Variants in MAEA observed in about 807,000 individuals in gnomAD.
The protein encoded by MAEA is E3 ubiquitin-protein transferase MAEA.
A neutral mutation model predicts 46.2 loss-of-function variants in MAEA; 22 were observed. The ratio of observed to expected loss-of-function variants is 0.48; its 90% confidence interval spans 0.34 to 0.68. The LOEUF (loss-of-function observed/expected upper bound fraction) is 0.68. MAEA is among the 30% of genes least tolerant of loss of function. MAEA has a pLI of 0.01. For synonymous variants in MAEA, 246 were observed against 222.6 expected (o/e 1.11, Z -0.94); for missense variants, 393 against 558.1 (o/e 0.70, Z 2.98).
intron 1 of MAEA, chr4:1,298,012 G>A (rs766900537): frequency 3.5e-5 from 16 of 456,124 alleles, no homozygotes; most frequent in South Asian, 1.2e-4. Context: ...CACAGAAGCC[G>A]CACCTATCTG....
chr4:1,300,599 C>A (rs73796070), intron 1 of MAEA, among the ~76,000 whole-genome samples: 1 of 152,234 alleles, frequency 6.6e-6, no homozygotes, highest in East Asian at 1.9e-4. Flanking sequence ...TGCCGGCTTC[C>A]GAGGCTGGGG....
At chr4:1,309,898 G>C (rs574526389) in intron 1 of MAEA, 1 of 1,290,492 alleles carries the variant, frequency 7.7e-7, no homozygotes, top group Non-Finnish European at 9.8e-7. Context: ...GCAGGGGTTG[G>C]AAAGTCCAGA....
rs750958466 is a variant in MAEA, at chr4:1,339,059, G to A, written c.1096-15G>A. On this transcript the variant is annotated splice_polypyrimidine_tract_variant and intron_variant, in intron 8 of 8. Transcript: ENST00000303400. ...TAGTCGCTTGCCTTAATGCATTCCC[G>A]GTTTTATTTTTCAGTCTCTGCTTTC... 8.1e-6 allele frequency: 13 copies of A among 1,605,520 alleles called. No individual in the cohort carries two copies. The highest frequency in any genetic ancestry group is 3.3e-5 in the Admixed American group (2 of 59,980).
intron 1 of MAEA, chr4:1,300,000 A>G (rs570396996): frequency 6.6e-6 from 1 of 152,338 alleles, no homozygotes; most frequent in African/African-American, 2.4e-5. Context: ...TATTTTGGCA[A>G]TTCTGTCTAA....
In MAEA at chr4:1,311,166, A is replaced by G. The variant is rs1425177979; in HGVS notation, c.70-813A>G. On this transcript the variant is annotated intron_variant, in intron 1 of 8. Transcript: ENST00000303400. This position sits in a 1 kb window ranked among gnomAD's most constrained non-coding sequence, Gnocchi z 4.4. Reference sequence around the variant, plus strand: ...GGGCCCACTGCTCTTGGGCGGCAGCACGGCCGTGTTGCTGATGCGCTGTGT... The same window carrying G: ...GGGCCCACTGCTCTTGGGCGGCAGCGCGGCCGTGTTGCTGATGCGCTGTGT... Among the ~76,000 whole-genome samples the G allele has an allele frequency of 1.3e-5, 2 of 152,192 alleles. No homozygotes were observed. The highest frequency in any genetic ancestry group is 2.9e-5 in the Non-Finnish European group (2 of 68,014).
At chr4:1,310,826 C>T (rs972591079) in intron 1 of MAEA, among the ~76,000 whole-genome samples, 8 of 152,126 alleles carry the variant, frequency 5.3e-5, no homozygotes, top group Non-Finnish European at 1.0e-4. Flanking sequence ...CCCCTGCTTT[C>T]GGGGGGAAAG....
At chr4:1,293,386 G>A (rs1378817677) in intron 1 of MAEA, among the ~76,000 whole-genome samples, 2 of 152,136 alleles carry the variant, frequency 1.3e-5, no homozygotes, top group Admixed American at 6.5e-5. Context: ...GTGAGACCCT[G>A]TCTCAAATAA....
In MAEA at chr4:1,311,264, G is replaced by C. The variant is rs528000525; in HGVS notation, c.70-715G>C. Among the ~76,000 whole-genome samples the C allele has an allele frequency of 6.6e-6, 1 of 152,248 alleles. No homozygotes were observed. The highest frequency in any genetic ancestry group is 1.5e-5 in the Non-Finnish European group (1 of 68,032). ...CTGCGGGAGCCCGGCCACGGAGGCC[G>C]GGGAGCGCTGGGGCGTGATTCTGTC... is the stretch of plus-strand genomic sequence containing the variant. On this transcript the variant is annotated intron_variant, in intron 1 of 8. Transcript: ENST00000303400. This position sits in a 1 kb window ranked among gnomAD's most constrained non-coding sequence, Gnocchi z 4.4.
Position 1,321,627 on chromosome 4 carries a change from C to T in MAEA, c.457-754C>T, listed in dbSNP as rs954032559. The stretch of plus-strand genomic sequence containing the variant: ...TGGCCTCATCCTGGGCCGTTGGGTC[C>T]TGGGCTATGTGCAGGCGGAGGTGCC... On this transcript the variant is annotated intron_variant, in intron 3 of 8. Transcript: ENST00000303400. Among the ~76,000 whole-genome samples the T allele has an allele frequency of 1.2e-4, 18 of 152,322 alleles. No individual in the cohort carries two copies. In the East Asian group the frequency reaches 3.3e-3, roughly 28 times the overall value.
intron 1 of MAEA, chr4:1,309,561 C>T (rs1482520426): frequency 3.7e-5 from 54 of 1,468,508 alleles, no homozygotes; most frequent in East Asian, 2.5e-5. Flanking sequence ...TGGATAGCCC[C>T]GGGCCAGCGC....
chr4:1,328,455 C>T (rs898401326), intron 5 of MAEA, among the ~76,000 whole-genome samples: 1 of 152,214 alleles, frequency 6.6e-6, no homozygotes, highest in Non-Finnish European at 1.5e-5. Flanking sequence ...TCGTCTCACT[C>T]ACTTTCATGG....
At chr4:1,313,402 G>A (rs1736755448) in intron 2 of MAEA, among the ~76,000 whole-genome samples, 1 of 152,158 alleles carries the variant, frequency 6.6e-6, no homozygotes, top group South Asian at 2.1e-4. Flanking sequence ...TGCAGGTGCA[G>A]GGGCTGCCAG....
intron 1 of MAEA, among the ~76,000 whole-genome samples, chr4:1,301,320 T>A (rs1426431986): frequency 6.6e-6 from 1 of 152,202 alleles, no homozygotes; most frequent in African/African-American, 2.4e-5. Flanking sequence ...TCACACTGCT[T>A]GCCACATTCT....
chr4:1,300,592 C>T (rs557025008), intron 1 of MAEA, among the ~76,000 whole-genome samples: 8 of 152,394 alleles, frequency 5.2e-5, no homozygotes, highest in South Asian at 2.1e-4. Context: ...TCCGTGCTGC[C>T]GGCTTCCGAG....
At chr4:1,306,525 A>G (rs1471465360) in intron 1 of MAEA, among the ~76,000 whole-genome samples, 1 of 152,132 alleles carries the variant, frequency 6.6e-6, no homozygotes, top group Non-Finnish European at 1.5e-5. Flanking sequence ...AAGAAAAAAG[A>G]AAAGAAAAGT....
At chr4:1,324,021 G>A (rs1384371108) in intron 4 of MAEA, among the ~76,000 whole-genome samples, 6 of 151,902 alleles carry the variant, frequency 3.9e-5, no homozygotes, top group Non-Finnish European at 2.9e-5. Flanking sequence ...CGTGCTTGGT[G>A]TTGGATGAAG....
chr4:1,333,661 C>CGT (rs1712153622), intron 6 of MAEA, among the ~76,000 whole-genome samples: 1 of 138,022 alleles, frequency 7.2e-6, no homozygotes, highest in Admixed American at 7.2e-5. Context: ...ACTCTGCACC[C>CGT]GTGCCCACCC....
At chr4:1,290,506 C>T (rs539938205) in intron 1 of MAEA, among the ~76,000 whole-genome samples, 11 of 152,348 alleles carry the variant, frequency 7.2e-5, no homozygotes, top group Admixed American at 7.2e-4. Flanking sequence ...CGTCCGGCTG[C>T]CGGTTGCGTG....
At chr4:1,309,410 C>G in intron 1 of MAEA, 2 of 1,268,474 alleles carry the variant, frequency 1.6e-6, no homozygotes, top group Non-Finnish European at 2.0e-6. Flanking sequence ...CGTGCTGAGT[C>G]CCCCGGAAGA....
Sources: allele counts gnomAD v4.1 joint callset (sites outside exome capture counted in the v4.1 genomes callset), GRCh38; gene constraint gnomAD v4.1.1; non-coding constraint Gnocchi (gnomAD v3.1); transcripts MANE v1.5; gene names NCBI Gene and HGNC (gene_info 2026-07-23, HGNC 2026-07-21).